SDC2: variants seen among roughly 807,000 people sequenced by gnomAD.
The protein encoded by SDC2 is syndecan 2, also known as syndecan-2.
Under a neutral mutation model 22.2 loss-of-function variants are expected in SDC2, and 13 were observed. The observed-to-expected ratio is 0.59, with a 90% confidence interval of 0.38 to 0.93. The LOEUF (loss-of-function observed/expected upper bound fraction) is 0.93, where lower values mean the gene tolerates loss of function less well. SDC2 is among the 40% of genes least tolerant of loss of function. SDC2 has a pLI of 0.00. For missense variants in SDC2, 235 were observed against 246.8 expected, an observed-to-expected ratio of 0.95 and a Z score of 0.32; for synonymous variants, 94 against 92.8, an observed-to-expected ratio of 1.01 and a Z score of -0.07.
intron 1 of SDC2, among the ~76,000 whole-genome samples, chr8:96,577,957 G>C (rs1814531785): frequency 6.6e-6 from 1 of 152,164 alleles, no homozygotes; most frequent in Admixed American, 6.5e-5. Context: ...TTGTGTGGCT[G>C]TACTCTAGTT....
intron 1 of SDC2, among the ~76,000 whole-genome samples, chr8:96,564,306 A>C (rs1386753330): frequency 6.6e-6 from 1 of 152,236 alleles, no homozygotes; most frequent in Non-Finnish European, 1.5e-5. Context: ...TCATCTGTCC[A>C]GGCCTATAGC....
chr8:96,542,703 A>G (rs1445257807), intron 1 of SDC2, among the ~76,000 whole-genome samples: 4 of 151,604 alleles, frequency 2.6e-5, no homozygotes, highest in African/African-American at 9.7e-5. Context: ...CCCAGGTGGG[A>G]ATTCAGGGCG....
chr8:96,566,791 G>A (rs1371722009), intron 1 of SDC2, among the ~76,000 whole-genome samples: 2 of 151,826 alleles, frequency 1.3e-5, no homozygotes, highest in Non-Finnish European at 2.9e-5. Context: ...TTTATTGTAA[G>A]CATCTATATT....
At chr8:96,534,945 G>A (rs574859249) in intron 1 of SDC2, among the ~76,000 whole-genome samples, 10 of 151,946 alleles carry the variant, frequency 6.6e-5, no homozygotes, top group African/African-American at 2.2e-4. Context: ...ATCACAAATA[G>A]GGTTGCTAGA....
At chr8:96,566,040 C>A (rs973529196) in intron 1 of SDC2, among the ~76,000 whole-genome samples, 1 of 152,084 alleles carries the variant, frequency 6.6e-6, no homozygotes, top group Non-Finnish European at 1.5e-5. Flanking sequence ...CTTTTCCCAT[C>A]TGTAAAATGT....
chr8:96,508,300 A>C (rs1452728383), intron 1 of SDC2, among the ~76,000 whole-genome samples: 1 of 11,058 alleles, frequency 9.0e-5, no homozygotes, highest in African/African-American at 5.4e-4. Flanking sequence ...CGTCTCAAAT[A>C]ATAATAATAA....
At chr8:96,539,038 G>A (rs1202730228) in intron 1 of SDC2, among the ~76,000 whole-genome samples, 1 of 152,244 alleles carries the variant, frequency 6.6e-6, no homozygotes, top group African/African-American at 2.4e-5. Flanking sequence ...GTTGGGAAAT[G>A]ATTTGTGTGT....
At chr8:96,529,603 G>C (rs1365372698) in intron 1 of SDC2, among the ~76,000 whole-genome samples, 3 of 152,264 alleles carry the variant, frequency 2.0e-5, no homozygotes, top group African/African-American at 7.2e-5. Flanking sequence ...CTTGCTCAGT[G>C]CTTACTTTCA....
intron 1 of SDC2, among the ~76,000 whole-genome samples, chr8:96,559,967 A>AT (rs1301289290): frequency 6.6e-6 from 1 of 152,202 alleles, no homozygotes; most frequent in African/African-American, 2.4e-5. Flanking sequence ...TTGTCAACTG[A>AT]TTTTTTAATA....
At chr8:96,586,162 CT>C (rs1814682992) in intron 1 of SDC2, among the ~76,000 whole-genome samples, 1 of 152,164 alleles carries the variant, frequency 6.6e-6, no homozygotes, top group Non-Finnish European at 1.5e-5. Context: ...TCACATTTAC[CT>C]TTTCTGGCAG....
rs1815160283 is a variant in SDC2, at chr8:96,610,649, CTG to C, written c.*1103_*1104del. 1 of 152,718 alleles carries C rather than the reference CTG, an allele frequency of 6.5e-6. No homozygotes were observed. Among genetic ancestry groups the C allele is most frequent in the South Asian group, 2.1e-4 (1 of 4,822 alleles). 9.5% of individuals were successfully genotyped at this position (152,718 alleles called of 1,614,324 possible). On this transcript the variant is annotated 3_prime_UTR_variant, in exon 5 of 5. Coordinates refer to ENST00000302190, the MANE Select transcript of SDC2 (RefSeq NM_002998.4). Reference sequence around the variant, plus strand: ...ATGTGGCCTAATATTGAAAATGTCACTGTTATAAATTTTGTACATTTTTGATC... The same window carrying C: ...ATGTGGCCTAATATTGAAAATGTCACTTATAAATTTTGTACATTTTTGATC...
intron 1 of SDC2, among the ~76,000 whole-genome samples, chr8:96,506,002 T>C (rs1450520412): frequency 1.3e-5 from 2 of 152,240 alleles, no homozygotes; most frequent in East Asian, 3.9e-4. Flanking sequence ...GTTCGGCATT[T>C]GTACAATCAA....
At chr8:96,596,752 C>T (rs1814883972) in intron 2 of SDC2, among the ~76,000 whole-genome samples, 1 of 152,110 alleles carries the variant, frequency 6.6e-6, no homozygotes, top group Non-Finnish European at 1.5e-5. Context: ...AAGAATTGGG[C>T]ATGAACTCAT....
chr8:96,506,837 G>C (rs2130432288), intron 1 of SDC2, among the ~76,000 whole-genome samples: 2 of 151,982 alleles, frequency 1.3e-5, no homozygotes, highest in Middle Eastern at 6.8e-3. Flanking sequence ...AAATGAAACT[G>C]TCTCTACTAA....
At chr8:96,577,516 A>G (rs1212340165) in intron 1 of SDC2, among the ~76,000 whole-genome samples, 1 of 151,934 alleles carries the variant, frequency 6.6e-6, no homozygotes, top group Non-Finnish European at 1.5e-5. Context: ...CTCTTACTGT[A>G]TACTAACATA....
At position 96,611,728 on chromosome 8, in the gene SDC2, T is replaced by C. The variant is rs1474501563; in HGVS notation, c.*2180T>C. 2 of 152,496 alleles carry C rather than the reference T, an allele frequency of 1.3e-5. No homozygotes were observed. Among genetic ancestry groups the C allele is most frequent in the African/African-American group, 2.4e-5 (1 of 41,406 alleles). The allele number at this position is 152,496 out of a possible 1,614,324, so 9.4% of individuals were successfully genotyped here. A position where few individuals can be genotyped will look rare whatever the true frequency, so the allele number is the denominator to read the frequency against. On this transcript the variant is annotated 3_prime_UTR_variant, in exon 5 of 5. Transcript: ENST00000302190. ...ATTTTGTCACTGCTGTAAAGCAAAATATTTGTGAAAGTGCCAAAATAAAGT... is the reference window on the plus strand; with the variant it reads ...ATTTTGTCACTGCTGTAAAGCAAAACATTTGTGAAAGTGCCAAAATAAAGT...
chr8:96,578,760 A>G (rs1042413229), intron 1 of SDC2, among the ~76,000 whole-genome samples: 1 of 152,242 alleles, frequency 6.6e-6, no homozygotes, highest in Non-Finnish European at 1.5e-5. Flanking sequence ...GGAGTTTTAC[A>G]GAACTCTCAG....
chr8:96,604,660 G>T (rs147239501), intron 3 of SDC2, among the ~76,000 whole-genome samples: 1 of 152,048 alleles, frequency 6.6e-6, no homozygotes, highest in Non-Finnish European at 1.5e-5. Flanking sequence ...CTAGTTTGTT[G>T]TAAATTTAAG....
chr8:96,506,933 C>A (rs994677890), intron 1 of SDC2, among the ~76,000 whole-genome samples: 1 of 150,682 alleles, frequency 6.6e-6, no homozygotes, highest in East Asian at 2.0e-4. Context: ...GGCGTGAACC[C>A]GAGAGGTGGA....
Sources: gnomAD v4.1 joint callset for allele counts (sites outside exome capture counted in the v4.1 genomes callset) on GRCh38, gnomAD v4.1.1 for gene constraint, MANE v1.5 for transcripts, NCBI Gene and HGNC (gene_info 2026-07-23, HGNC 2026-07-21) for gene names.